ZDHHC14: variants seen among roughly 807,000 people sequenced by gnomAD.
The protein encoded by ZDHHC14 is zDHHC palmitoyltransferase 14.
ZDHHC14 carries 16 observed loss-of-function variants against 47.7 expected under a neutral mutation model. The ratio of observed to expected loss-of-function variants is 0.34; its 90% CI spans 0.23 to 0.51. ZDHHC14 has a LOEUF of 0.51. Among genes scored for constraint, ZDHHC14 ranks in the 20% least tolerant of loss-of-function variants. The pLI is 0.97. For missense variants in ZDHHC14, 515 were observed against 662.5 expected (o/e 0.78, Z 2.44); for synonymous variants, 293 against 278.9 (o/e 1.05, Z -0.50).
chr6:157,515,321 C>T (rs1562456667), intron 1 of ZDHHC14, among the ~76,000 whole-genome samples: 1 of 152,166 alleles, frequency 6.6e-6, no homozygotes. Context: ...ATGGTCTTTC[C>T]AGCAGAGCAC....
intron 1 of ZDHHC14, among the ~76,000 whole-genome samples, chr6:157,458,604 T>A (rs1469820593): frequency 3.3e-5 from 5 of 152,106 alleles, no homozygotes; most frequent in Admixed American, 6.6e-5. Context: ...GTCGGGGGCT[T>A]GGCCTGGGGC....
rs984810235 is a variant in ZDHHC14, at chr6:157,582,314, G to T, written c.407-10674G>T. On this transcript the variant is annotated intron_variant, in intron 2 of 8. Coordinates refer to ENST00000359775, the MANE Select transcript of ZDHHC14 (RefSeq NM_024630.3). This position sits in a 1 kb window ranked among gnomAD's most constrained non-coding sequence, Gnocchi z 4.3. Reference sequence around the variant, plus strand: ...GGTTATTATGCAGGCTTGTTTGTGTGGTTGCTTTATAGAGTCACCAGTCTG... The same window carrying T: ...GGTTATTATGCAGGCTTGTTTGTGTTGTTGCTTTATAGAGTCACCAGTCTG... Among the ~76,000 whole-genome samples, 4 of 152,164 alleles carry T rather than the reference G, an allele frequency of 2.6e-5. No individual in the cohort carries two copies. The highest frequency in any genetic ancestry group is 9.7e-5 in the African/African-American group (4 of 41,444).
chr6:157,592,777 G>C, intron 2 of ZDHHC14: 1 of 1,371,884 alleles, frequency 7.3e-7, no homozygotes, highest in Middle Eastern at 2.7e-4. Flanking sequence ...CCAGAGCTCA[G>C]TCACGTGGCC....
chr6:157,549,464 C>A (rs143496933), intron 2 of ZDHHC14, among the ~76,000 whole-genome samples: 1 of 152,090 alleles, frequency 6.6e-6, no homozygotes. Flanking sequence ...CCCATCGTGC[C>A]GGACATACCT....
intron 1 of ZDHHC14, among the ~76,000 whole-genome samples, chr6:157,517,264 G>T (rs1196662818): frequency 2.0e-5 from 3 of 152,008 alleles, no homozygotes; most frequent in African/African-American, 7.3e-5. Flanking sequence ...GGATGGGAGT[G>T]GTGGGTGTGA....
intron 1 of ZDHHC14, among the ~76,000 whole-genome samples, chr6:157,480,626 C>A (rs1352534791): frequency 6.6e-6 from 1 of 152,200 alleles, no homozygotes; most frequent in African/African-American, 2.4e-5. Context: ...TTATGGCCTG[C>A]ACCCAGTAGA....
intron 1 of ZDHHC14, among the ~76,000 whole-genome samples, chr6:157,415,041 G>A (rs939070722): frequency 7.9e-5 from 12 of 152,038 alleles, no homozygotes; most frequent in South Asian, 4.1e-4. Context: ...ACTTCCTAGC[G>A]AGGACAGTGG....
At chr6:157,423,157 A>C (rs1778144006) in intron 1 of ZDHHC14, among the ~76,000 whole-genome samples, 1 of 152,170 alleles carries the variant, frequency 6.6e-6, no homozygotes, top group African/African-American at 2.4e-5. Flanking sequence ...AAGGTCCCCA[A>C]AGTGGCATTG....
At chr6:157,615,064 C>G (rs560395121) in intron 3 of ZDHHC14, among the ~76,000 whole-genome samples, 1 of 152,108 alleles carries the variant, frequency 6.6e-6, no homozygotes, top group Non-Finnish European at 1.5e-5. Flanking sequence ...CCACTGTGCC[C>G]GGCCAATTCT....
intron 8 of ZDHHC14, among the ~76,000 whole-genome samples, chr6:157,665,231 C>G (rs1352099975): frequency 6.6e-6 from 1 of 152,170 alleles, no homozygotes; most frequent in African/African-American, 2.4e-5. Context: ...TCCATCATTC[C>G]TGGGAGTAGA....
At position 157,382,370 on chromosome 6, in the gene ZDHHC14, A is replaced by G. The variant is rs1295694697; in HGVS notation, c.245+104A>G. The G allele has an allele frequency of 3.0e-6, 4 of 1,347,860 alleles. No homozygotes were observed. In the African/African-American group the frequency reaches 6.0e-5, roughly 20 times the overall value. The allele number at this position is 1,347,860 out of a possible 1,614,324, so 83.5% of individuals were successfully genotyped here. On this transcript the variant is annotated intron_variant, in intron 1 of 8. Transcript: ENST00000359775. The stretch of plus-strand genomic sequence containing the variant: ...GTTTTCTAGAAGTCTTATCTACTGT[A>G]AATTGTTATATAATGCCAGTCTGCG...
At chr6:157,489,708 C>A (rs1056939783) in intron 1 of ZDHHC14, among the ~76,000 whole-genome samples, 2 of 152,212 alleles carry the variant, frequency 1.3e-5, no homozygotes, top group Non-Finnish European at 2.9e-5. Flanking sequence ...TGCGTGGCCT[C>A]TTACAGCAGT....
chr6:157,439,058 A>T (rs1204996317), intron 1 of ZDHHC14, among the ~76,000 whole-genome samples: 5 of 152,194 alleles, frequency 3.3e-5, no homozygotes, highest in African/African-American at 9.7e-5. Context: ...AGCAACTTTT[A>T]AAAAAGTACC....
At position 157,382,121 on chromosome 6, in the gene ZDHHC14, A is replaced by G. The variant is rs746390649; in HGVS notation, c.100A>G (p.Ile34Val). 5 of 1,613,366 alleles carry G rather than the reference A, an allele frequency of 3.1e-6. No individual in the cohort carries two copies. In the Admixed American group the frequency reaches 8.3e-5, roughly 27 times the overall value. ...GGAGTCGCCCCACAAGAAGAAGAAA[A>G]TCGCGGCCCGGAGGAAATGGGAGGT... ...PMESPHKKKK[I>V]AARRKWEVFP... The change falls in exon 1 of 9, where the codon ATC becomes GTC. Residue 34 changes from isoleucine to valine, a missense_variant. Ile to Val is a conservative substitution (Grantham distance 29). Around this residue, in one of 4 missense-constraint regions of ZDHHC14, gnomAD observed 59 missense variants for 57.7 expected, o/e 1.02. Coordinates refer to ENST00000359775, the MANE Select transcript of ZDHHC14 (RefSeq NM_024630.3).
At chr6:157,495,426 G>C (rs1242929738) in intron 1 of ZDHHC14, among the ~76,000 whole-genome samples, 1 of 152,156 alleles carries the variant, frequency 6.6e-6, no homozygotes, top group Non-Finnish European at 1.5e-5. Flanking sequence ...CTTGCAGCCA[G>C]AAAGGCTGCT....
chr6:157,604,942 C>G (rs1304248892), intron 3 of ZDHHC14, among the ~76,000 whole-genome samples: 1 of 152,196 alleles, frequency 6.6e-6, no homozygotes, highest in Non-Finnish European at 1.5e-5. Flanking sequence ...GTTAGGGAAG[C>G]AGAAGATGAA....
chr6:157,661,821 C>CT (rs534951780), intron 8 of ZDHHC14, among the ~76,000 whole-genome samples: 155 of 152,252 alleles, frequency 1.0e-3, no homozygotes, highest in African/African-American at 3.5e-3. Context: ...ACTGGAGGAG[C>CT]TTTTTTTGTT....
At chr6:157,536,134 C>T (rs1781538611) in intron 1 of ZDHHC14, among the ~76,000 whole-genome samples, 1 of 152,208 alleles carries the variant, frequency 6.6e-6, no homozygotes, top group Non-Finnish European at 1.5e-5. Flanking sequence ...GAATCTGAAA[C>T]TTAAAATGCT....
intron 1 of ZDHHC14, among the ~76,000 whole-genome samples, chr6:157,481,771 C>T (rs1433878553): frequency 6.6e-6 from 1 of 152,160 alleles, no homozygotes; most frequent in Non-Finnish European, 1.5e-5. Context: ...CTATTTTTTG[C>T]ACCATTCCTA....
Sources: gnomAD v4.1 joint callset for allele counts (sites outside exome capture counted in the v4.1 genomes callset) on GRCh38, gnomAD v4.1.1 for gene constraint, gnomAD v4.1.1 regional missense constraint, Gnocchi (gnomAD v3.1) non-coding constraint, MANE v1.5 for transcripts, NCBI Gene and HGNC (gene_info 2026-07-23, HGNC 2026-07-21) for gene names.